Variants in FNDC1 observed in about 807,000 individuals in gnomAD.
FNDC1 encodes the protein fibronectin type III domain containing 1, also known as fibronectin type III domain-containing protein 1.
FNDC1 carries 96 observed loss-of-function variants against 168.0 expected under a neutral mutation model. That is an observed-to-expected ratio of 0.57 (90% confidence interval 0.48 to 0.68). The LOEUF is 0.68. FNDC1 is among the 30% of genes least tolerant of loss of function. FNDC1 has a pLI of 0.00. For missense variants in FNDC1, 2,587 were observed against 2,482.1 expected, an observed-to-expected ratio of 1.04 and a Z score of -0.90; for synonymous variants, 1,099 against 1,025.9, an observed-to-expected ratio of 1.07 and a Z score of -1.36.
rs749020437 is a variant in FNDC1, at chr6:159,233,624, G to C, written c.3112G>C (p.Ala1038Pro). The change falls in exon 11 of 23, where the codon GCC (alanine) becomes CCC (proline). Residue 1038 changes from alanine to proline, a missense_variant. Ala to Pro is a conservative substitution (Grantham distance 27). Coordinates refer to ENST00000297267, the MANE Select transcript of FNDC1 (RefSeq NM_032532.3). The surrounding 1 kb of genome is among the most constrained non-coding windows in gnomAD (Gnocchi z 4.6). ...CCAGCCCAGGCTCTCACTGACCCAG[G>C]CCGGGCGGCCCCGCCCCACGTCGCA... ...PSQPRLSLTQAGRPRPTSQGR... is the reference protein window; with the variant it reads ...PSQPRLSLTQPGRPRPTSQGR... The C allele has an allele frequency of 6.4e-7, 1 of 1,563,796 alleles. No homozygotes were observed. The highest frequency in any genetic ancestry group is 1.2e-5 in the South Asian group (1 of 85,282).
In FNDC1 at chr6:159,269,514, G is replaced by GCATCCATCCATC. The variant is rs1159382501; in HGVS notation, c.5569+1633_5569+1644dup. On this transcript the variant is annotated intron_variant, in intron 22 of 22. Coordinates refer to ENST00000297267, the MANE Select transcript of FNDC1 (RefSeq NM_032532.3). ...TCTATCTATCTATCCATCCATCCAT[G>GCATCCATCCATC]CATCCATCCATCCATCCATCCATCC... Among the ~76,000 whole-genome samples the GCATCCATCCATC allele has an allele frequency of 1.2e-3, 100 of 86,062 alleles. 1 individual carries two copies. The highest frequency in any genetic ancestry group is 4.2e-3 in the African/African-American group (96 of 22,768). The allele number at this position is 86,062 out of a possible 152,430, so 56.5% of individuals were successfully genotyped here. A position where few individuals can be genotyped will look rare whatever the true frequency, so the allele number is the denominator to read the frequency against.
chr6:159,232,068 C>T lies in FNDC1; in HGVS notation c.1556C>T (p.Ala519Val), dbSNP rs772638180. ...LKNKILANGG[A>V]PRKPQLRAKK... is the part of the protein sequence containing the mutation. ...AACAAAATATTGGCTAATGGTGGGG[C>T]GCCCCGAAAACCCCAGCTTCGCGCC... Residue 519 changes from alanine to valine, a missense_variant, in exon 11 of 23, where the codon GCG (alanine) becomes GTG (valine). Transcript: ENST00000297267. The surrounding 1 kb of genome is among the most constrained non-coding windows in gnomAD (Gnocchi z 4.9). 3.1e-6 allele frequency: 5 copies of T among 1,613,756 alleles called. No homozygotes were observed. In the South Asian group the frequency reaches 3.3e-5, roughly 11 times the overall value.
At chr6:159,222,172 C>T (rs761192509) in intron 6 of FNDC1, among the ~76,000 whole-genome samples, 11 of 152,204 alleles carry the variant, frequency 7.2e-5, no homozygotes, top group African/African-American at 2.2e-4. Context: ...ATTGTCCACA[C>T]GGTTACATTT....
intron 7 of FNDC1, 23 bp downstream of exon 7, chr6:159,223,668 C>T (rs1782887848): frequency 1.4e-6 from 2 of 1,468,196 alleles, no homozygotes; most frequent in Admixed American, 3.4e-5. Context: ...ATTTATTTGT[C>T]TTTATATATG....
At chr6:159,172,766 T>C (rs1297552552) in intron 1 of FNDC1, among the ~76,000 whole-genome samples, 4 of 152,208 alleles carry the variant, frequency 2.6e-5, no homozygotes, top group Admixed American at 2.6e-4. Context: ...CTTGATGAAT[T>C]TTGGTGTAAT....
intron 1 of FNDC1, among the ~76,000 whole-genome samples, chr6:159,194,681 T>A (rs1006162201): frequency 4.6e-5 from 7 of 152,162 alleles, no homozygotes; most frequent in African/African-American, 1.7e-4. Context: ...TAGAACAAAC[T>A]GTCATACTTC....
chr6:159,217,597 C>T (rs1452286864), intron 5 of FNDC1, among the ~76,000 whole-genome samples: 1 of 152,194 alleles, frequency 6.6e-6, no homozygotes, highest in African/African-American at 2.4e-5. Context: ...TGTTCAGCCA[C>T]CTGCTGAAGA....
chr6:159,201,049 A>G (rs1488348429), intron 4 of FNDC1, among the ~76,000 whole-genome samples: 1 of 152,058 alleles, frequency 6.6e-6, no homozygotes, highest in Non-Finnish European at 1.5e-5. Flanking sequence ...TCTGCTCCAT[A>G]TTTGTGTATC....
chr6:159,249,569 G>A (rs1777214597), intron 16 of FNDC1, among the ~76,000 whole-genome samples: 1 of 152,224 alleles, frequency 6.6e-6, no homozygotes, highest in African/African-American at 2.4e-5. Flanking sequence ...TAAAAGGTTA[G>A]CCGCTTACTG....
chr6:159,178,995 C>G (rs1313072363), intron 1 of FNDC1, among the ~76,000 whole-genome samples: 1 of 152,210 alleles, frequency 6.6e-6, no homozygotes, highest in African/African-American at 2.4e-5. Flanking sequence ...AGAGTCCCAA[C>G]AAGTTTTCCA....
At chr6:159,178,646 T>C (rs1781817243) in intron 1 of FNDC1, among the ~76,000 whole-genome samples, 1 of 152,156 alleles carries the variant, frequency 6.6e-6, no homozygotes, top group South Asian at 2.1e-4. Flanking sequence ...ATAAATGCCG[T>C]TCTACAGTAT....
At chr6:159,217,541 A>T (rs141546498) in intron 5 of FNDC1, among the ~76,000 whole-genome samples, 24 of 152,136 alleles carry the variant, frequency 1.6e-4, no homozygotes, top group African/African-American at 5.3e-4. Flanking sequence ...GTCACATCAG[A>T]TCCCTTCCCT....
intron 1 of FNDC1, among the ~76,000 whole-genome samples, chr6:159,192,115 T>C (rs1374746585): frequency 6.6e-6 from 1 of 152,106 alleles, no homozygotes; most frequent in Non-Finnish European, 1.5e-5. Flanking sequence ...TGGGCTCAGG[T>C]GATCCACCTG....
chr6:159,239,497 A>G lies in FNDC1; in HGVS notation c.4181-20A>G. On this transcript the variant is annotated intron_variant, in intron 13 of 22. Transcript: ENST00000297267. Reference sequence around the variant, plus strand: ...GATTGCTTCACCTTGTTGCATAGCTATTGGTTGATTTTGTTTCAGATCTGG... The same window carrying G: ...GATTGCTTCACCTTGTTGCATAGCTGTTGGTTGATTTTGTTTCAGATCTGG... 1 of 1,562,564 alleles carries G rather than the reference A, an allele frequency of 6.4e-7. No individual in the cohort carries two copies. Among genetic ancestry groups the G allele is most frequent in the Non-Finnish European group, 8.7e-7 (1 of 1,151,928 alleles).
At position 159,271,429 on chromosome 6, in the gene FNDC1, C is replaced by T. The variant is rs1301536289; in HGVS notation, c.5672C>T (p.Pro1891Leu). 6.2e-7 allele frequency: 1 copy of T among 1,608,830 alleles called. No homozygotes were observed. Among genetic ancestry groups the T allele is most frequent in the South Asian group, 1.1e-5 (1 of 89,702 alleles). ...TGGTACGAGTGTGGGGTCTCCATCC[C>T]TGGAAAGTGGTAATCACAGGACCGT... is the stretch of plus-strand genomic sequence containing the variant. ...VGWYECGVSIPGKW is the reference protein window; with the variant it reads ...VGWYECGVSILGKW The change falls in exon 23 of 23, where the codon CCT becomes CTT. Residue 1891 changes from proline (P) to leucine (L), a missense_variant. Coordinates refer to ENST00000297267, the MANE Select transcript of FNDC1 (RefSeq NM_032532.3).
At chr6:159,175,426 G>C (rs528212292) in intron 1 of FNDC1, among the ~76,000 whole-genome samples, 3 of 152,152 alleles carry the variant, frequency 2.0e-5, no homozygotes, top group Non-Finnish European at 4.4e-5. Context: ...CCCTGTTCTG[G>C]TTGGTTTGAG....
intron 4 of FNDC1, among the ~76,000 whole-genome samples, chr6:159,209,452 C>A (rs568779775): frequency 1.3e-5 from 2 of 152,118 alleles, no homozygotes; most frequent in Non-Finnish European, 2.9e-5. Context: ...TTTAGGGTAC[C>A]CCGCTTGGGG....
intron 19 of FNDC1, among the ~76,000 whole-genome samples, chr6:159,262,839 A>T (rs1777513347): frequency 6.6e-6 from 1 of 152,242 alleles, no homozygotes; most frequent in African/African-American, 2.4e-5. Context: ...AAACACTTTC[A>T]ATGAGCTCCC....
chr6:159,200,799 G>T (rs865968396), intron 4 of FNDC1, among the ~76,000 whole-genome samples: 1 of 152,154 alleles, frequency 6.6e-6, no homozygotes, highest in African/African-American at 2.4e-5. Context: ...TCATGTTCTC[G>T]CGTGGGGAAG....
Sources: gnomAD v4.1 joint callset for allele counts (sites outside exome capture counted in the v4.1 genomes callset) on GRCh38, gnomAD v4.1.1 for gene constraint, Gnocchi (gnomAD v3.1) non-coding constraint, MANE v1.5 for transcripts, NCBI Gene and HGNC (gene_info 2026-07-23, HGNC 2026-07-21) for gene names.